The following SLC22A15 variants were observed in gnomAD, a reference collection of about 807,000 sequenced individuals.
The protein encoded by SLC22A15 is solute carrier family 22 member 15.
Under a neutral mutation model 62.7 loss-of-function variants are expected in SLC22A15, and 45 were observed. The ratio of observed to expected loss-of-function variants is 0.72; its 90% CI spans 0.56 to 0.92. The LOEUF (loss-of-function observed/expected upper bound fraction) is 0.92, where lower values mean the gene tolerates loss of function less well. Ranked by LOEUF, SLC22A15 falls within the 40% of genes least tolerant of loss-of-function variation. SLC22A15 has a pLI of 0.00. For missense variants in SLC22A15, 622 were observed against 665.6 expected, an observed-to-expected ratio of 0.93 and a Z score of 0.72; for synonymous variants, 264 against 267.0, an observed-to-expected ratio of 0.99 and a Z score of 0.11.
intron 2 of SLC22A15, among the ~76,000 whole-genome samples, chr1:116,014,774 G>A (rs536909192): frequency 6.6e-6 from 1 of 152,214 alleles, no homozygotes; most frequent in East Asian, 1.9e-4. Context: ...CACATTTCTT[G>A]AGAGCCACAC....
intron 1 of SLC22A15, among the ~76,000 whole-genome samples, chr1:115,991,519 T>C (rs2101090081): frequency 6.6e-6 from 1 of 152,352 alleles, no homozygotes; most frequent in Non-Finnish European, 1.5e-5. Context: ...GCTTACCTGC[T>C]TTAGTAAAAC....
At chr1:116,028,550 A>ATTTTTTTTTG (rs1657220795) in intron 5 of SLC22A15, among the ~76,000 whole-genome samples, 1 of 6,030 alleles carries the variant, frequency 1.7e-4, no homozygotes, top group African/African-American at 4.7e-4. Context: ...TTTTTTTTTA[A>ATTTTTTTTTG]AATATATAGT....
chr1:115,978,818 G>C (rs1316033271), intron 1 of SLC22A15, among the ~76,000 whole-genome samples: 1 of 152,150 alleles, frequency 6.6e-6, no homozygotes, highest in African/African-American at 2.4e-5. Context: ...ATCATTCTTG[G>C]GGATGAGGTT....
chr1:116,021,127 T>TGCC (rs1161201861), intron 4 of SLC22A15, among the ~76,000 whole-genome samples: 5 of 152,254 alleles, frequency 3.3e-5, no homozygotes, highest in Non-Finnish European at 7.3e-5. Flanking sequence ...CCTCATGGAC[T>TGCC]GCCTACAGAT....
chr1:116,032,361 A>T (rs1356893264), intron 6 of SLC22A15: 2 of 985,268 alleles, frequency 2.0e-6, no homozygotes, highest in Non-Finnish European at 2.4e-6. Context: ...ATGTGCCATA[A>T]GTGTTATCTG....
At chr1:116,057,970 A>T (rs1472027411) in intron 8 of SLC22A15, among the ~76,000 whole-genome samples, 3 of 152,010 alleles carry the variant, frequency 2.0e-5, no homozygotes, top group African/African-American at 7.2e-5. Flanking sequence ...TGACGAGTTA[A>T]TGGGTGCAGC....
chr1:116,035,966 G>A (rs1657618263), intron 7 of SLC22A15, among the ~76,000 whole-genome samples: 1 of 152,166 alleles, frequency 6.6e-6, no homozygotes, highest in Non-Finnish European at 1.5e-5. Flanking sequence ...GTTGGATTAT[G>A]CCATTTCTTT....
intron 8 of SLC22A15, among the ~76,000 whole-genome samples, chr1:116,045,887 G>T (rs979765750): frequency 1.6e-4 from 25 of 151,652 alleles, no homozygotes; most frequent in African/African-American, 5.6e-4. Context: ...TTTTGACAGA[G>T]CTGAGGTTTC....
intron 4 of SLC22A15, among the ~76,000 whole-genome samples, chr1:116,024,068 A>G (rs1393586561): frequency 1.3e-5 from 2 of 152,214 alleles, no homozygotes; most frequent in Non-Finnish European, 2.9e-5. Flanking sequence ...CATATTAAAT[A>G]CAGGAGTGAT....
intron 1 of SLC22A15, among the ~76,000 whole-genome samples, chr1:115,977,815 A>G (rs1002522338): frequency 8.5e-5 from 13 of 152,226 alleles, no homozygotes; most frequent in Admixed American, 8.5e-4. Flanking sequence ...AAGCTTGCAT[A>G]AGACAGTGGC....
chr1:116,003,202 T>G (rs1188273888), intron 2 of SLC22A15, among the ~76,000 whole-genome samples: 1 of 152,210 alleles, frequency 6.6e-6, no homozygotes, highest in Non-Finnish European at 1.5e-5. Flanking sequence ...TTTATTTTAC[T>G]GTGGCTGAGC....
At chr1:116,060,229 A>C (rs12084438) in intron 8 of SLC22A15, among the ~76,000 whole-genome samples, 3 of 152,232 alleles carry the variant, frequency 2.0e-5, no homozygotes, top group African/African-American at 7.2e-5. Flanking sequence ...TGAAATGGAC[A>C]TGGGCTATTT....
At chr1:116,030,078 C>A (rs1374498826) in intron 5 of SLC22A15, among the ~76,000 whole-genome samples, 1 of 152,128 alleles carries the variant, frequency 6.6e-6, no homozygotes, top group African/African-American at 2.4e-5. Flanking sequence ...TAATAATAAT[C>A]AAATGGCAAT....
intron 5 of SLC22A15, among the ~76,000 whole-genome samples, 191 bp from the exon 6 acceptor site, chr1:116,031,175 G>A (rs1361211694): frequency 6.6e-6 from 1 of 152,062 alleles, no homozygotes; most frequent in Non-Finnish European, 1.5e-5. Flanking sequence ...CAGTGATAAA[G>A]TAGACTACCA....
At chr1:116,001,320 G>T (rs533352525) in intron 2 of SLC22A15, among the ~76,000 whole-genome samples, 1 of 151,884 alleles carries the variant, frequency 6.6e-6, no homozygotes, top group South Asian at 2.1e-4. Flanking sequence ...TCTTATTTGA[G>T]TTAAATGTGC....
chr1:115,976,783 C>T (rs1176944381), intron 1 of SLC22A15, 69 bp downstream of exon 1: 3 of 1,244,266 alleles, frequency 2.4e-6, no homozygotes, highest in Non-Finnish European at 2.3e-6. Flanking sequence ...TAGGCGTCCG[C>T]TCCCAGACCG....
chr1:116,022,943 G>A (rs1434971318), intron 4 of SLC22A15, among the ~76,000 whole-genome samples: 2 of 152,084 alleles, frequency 1.3e-5, no homozygotes, highest in East Asian at 1.9e-4. Flanking sequence ...CTCATGAACC[G>A]AGGTCTTCCC....
chr1:116,012,566 CAGAT>C (rs1369884697), intron 2 of SLC22A15, among the ~76,000 whole-genome samples: 4 of 152,030 alleles, frequency 2.6e-5, no homozygotes, highest in Admixed American at 1.3e-4. Context: ...ACTAGGATGT[CAGAT>C]AGACAGTAAG....
intron 1 of SLC22A15, among the ~76,000 whole-genome samples, chr1:115,986,967 A>G (rs1402965006): frequency 6.6e-6 from 1 of 152,174 alleles, no homozygotes; most frequent in Non-Finnish European, 1.5e-5. Flanking sequence ...CTTTCACACC[A>G]CACAGTGAAT....
Sources: allele counts gnomAD v4.1 joint callset (sites outside exome capture counted in the v4.1 genomes callset), GRCh38; gene constraint gnomAD v4.1.1; transcripts MANE v1.5; gene names NCBI Gene and HGNC (gene_info 2026-07-23, HGNC 2026-07-21).